Variants in PRKCA observed in about 807,000 individuals in gnomAD.
The protein encoded by PRKCA is protein kinase C alpha type.
PRKCA carries 27 observed loss-of-function variants against 87.0 expected under a neutral mutation model. The ratio of observed to expected loss-of-function variants is 0.31; its 90% CI spans 0.23 to 0.43. The LOEUF (loss-of-function observed/expected upper bound fraction) is 0.43, where lower values mean the gene tolerates loss of function less well. Ranked by LOEUF, PRKCA falls within the 20% of genes least tolerant of loss-of-function variation. PRKCA has a pLI of 1.00. For missense variants in PRKCA, 518 were observed against 852.3 expected, an observed-to-expected ratio of 0.61 and a Z score of 4.88; for synonymous variants, 329 against 311.1, an observed-to-expected ratio of 1.06 and a Z score of -0.61.
chr17:66,727,040 C>A (rs1050336956), intron 8 of PRKCA, among the ~76,000 whole-genome samples: 1 of 152,012 alleles, frequency 6.6e-6, no homozygotes, highest in South Asian at 2.1e-4. Context: ...GTCATTTTAG[C>A]AGTAGCCCGC....
At chr17:66,562,036 C>T (rs897997005) in intron 3 of PRKCA, among the ~76,000 whole-genome samples, 1 of 128,572 alleles carries the variant, frequency 7.8e-6, no homozygotes, top group South Asian at 2.3e-4. Flanking sequence ...TTAAAGTGGT[C>T]AATTTAATTA....
intron 2 of PRKCA, among the ~76,000 whole-genome samples, chr17:66,469,994 G>T (rs1054150111): frequency 4.6e-5 from 7 of 152,012 alleles, no homozygotes; most frequent in Non-Finnish European, 1.0e-4. Context: ...ACCCTTCCAA[G>T]GGGTAATTAC....
At chr17:66,493,913 G>C (rs988786543) in intron 2 of PRKCA, among the ~76,000 whole-genome samples, 2 of 152,174 alleles carry the variant, frequency 1.3e-5, no homozygotes, top group African/African-American at 4.8e-5. Context: ...TTCTAATGAG[G>C]CATTATAGGC....
chr17:66,462,794 TC>T (rs1914909903), intron 2 of PRKCA, among the ~76,000 whole-genome samples: 3 of 152,156 alleles, frequency 2.0e-5, no homozygotes, highest in Non-Finnish European at 4.4e-5. Context: ...GAATGAAATG[TC>T]CTCCTGCAGA....
chr17:66,515,772 T>C (rs1966948996), intron 3 of PRKCA, among the ~76,000 whole-genome samples: 1 of 152,194 alleles, frequency 6.6e-6, no homozygotes, highest in Admixed American at 6.5e-5. Flanking sequence ...CTTGAACTCC[T>C]GGGCTGAAGC....
chr17:66,553,334 C>T (rs1216589325), intron 3 of PRKCA, among the ~76,000 whole-genome samples: 3 of 152,130 alleles, frequency 2.0e-5, no homozygotes, highest in Non-Finnish European at 2.9e-5. Flanking sequence ...GAGATTGGAT[C>T]AAATGTCTTC....
intron 14 of PRKCA, among the ~76,000 whole-genome samples, chr17:66,785,561 A>G (rs4144640): frequency 0.35 from 53,396 of 151,896 alleles, 10,594 homozygotes; most frequent in African/African-American, 0.55. Flanking sequence ...GGAATTTCCC[A>G]TGAACGCTTT....
intron 2 of PRKCA, among the ~76,000 whole-genome samples, chr17:66,444,012 A>C (rs887611037): frequency 1.3e-5 from 2 of 152,146 alleles, no homozygotes; most frequent in Non-Finnish European, 2.9e-5. Flanking sequence ...AAGGCTGTTG[A>C]GTCTTTTTCT....
chr17:66,751,799 G>T (rs1244142011), intron 13 of PRKCA, among the ~76,000 whole-genome samples: 1 of 152,112 alleles, frequency 6.6e-6, no homozygotes, highest in African/African-American at 2.4e-5. Context: ...TGGCTAGGGG[G>T]GGTCTCAGGA....
chr17:66,676,647 T>TG (rs1232611396), intron 5 of PRKCA: 3 of 152,144 alleles, frequency 2.0e-5, no homozygotes, highest in Non-Finnish European at 2.9e-5. Flanking sequence ...CTGAACAAGG[T>TG]GGGGTTGGCC....
chr17:66,656,586 A>G (rs1036999234), intron 5 of PRKCA, among the ~76,000 whole-genome samples: 4 of 152,214 alleles, frequency 2.6e-5, no homozygotes, highest in African/African-American at 9.6e-5. Flanking sequence ...AAGCTTGCAA[A>G]TGATGTCTTT....
chr17:66,543,523 G>C (rs921778452), intron 3 of PRKCA, among the ~76,000 whole-genome samples: 6 of 151,980 alleles, frequency 3.9e-5, no homozygotes, highest in Admixed American at 1.3e-4. Context: ...ACATTCTTTT[G>C]AACATTAAAT....
intron 3 of PRKCA, among the ~76,000 whole-genome samples, chr17:66,620,201 A>C (rs1970636686): frequency 6.6e-6 from 1 of 152,248 alleles, no homozygotes; most frequent in African/African-American, 2.4e-5. Flanking sequence ...TTGATGAAAT[A>C]GATAAAATCC....
At chr17:66,334,717 A>T (rs1404420437) in intron 2 of PRKCA, among the ~76,000 whole-genome samples, 1 of 152,218 alleles carries the variant, frequency 6.6e-6, no homozygotes, top group Non-Finnish European at 1.5e-5. Context: ...AAAACATTAA[A>T]CATAGAATTC....
chr17:66,522,031 A>G (rs931956927), intron 3 of PRKCA, among the ~76,000 whole-genome samples: 1 of 152,190 alleles, frequency 6.6e-6, no homozygotes, highest in African/African-American at 2.4e-5. Context: ...CTACTATTCA[A>G]TCTCTCATTT....
chr17:66,509,769 G>A (rs992048701), intron 3 of PRKCA, among the ~76,000 whole-genome samples: 1 of 152,162 alleles, frequency 6.6e-6, no homozygotes, highest in Non-Finnish European at 1.5e-5. Flanking sequence ...GGCCGTTAGT[G>A]TAACCATTTG....
At chr17:66,734,780 C>G (rs1973984693) in intron 9 of PRKCA, among the ~76,000 whole-genome samples, 1 of 152,090 alleles carries the variant, frequency 6.6e-6, no homozygotes, top group Non-Finnish European at 1.5e-5. Flanking sequence ...ACATTAGGGT[C>G]CATCTTAGTC....
chr17:66,445,678 T>G (rs181412439), intron 2 of PRKCA, among the ~76,000 whole-genome samples: 24 of 152,350 alleles, frequency 1.6e-4, no homozygotes, highest in Non-Finnish European at 2.6e-4. Flanking sequence ...CTGTGAACAG[T>G]GCAGAAGTCC....
At chr17:66,399,893 T>G (rs1910919921) in intron 2 of PRKCA, among the ~76,000 whole-genome samples, 1 of 152,122 alleles carries the variant, frequency 6.6e-6, no homozygotes, top group South Asian at 2.1e-4. Context: ...GATTGGGGAT[T>G]TTTTTAGATT....
Sources: gnomAD v4.1 joint callset for allele counts (sites outside exome capture counted in the v4.1 genomes callset) on GRCh38, gnomAD v4.1.1 for gene constraint, MANE v1.5 for transcripts, NCBI Gene and HGNC (gene_info 2026-07-23, HGNC 2026-07-21) for gene names.